Variants in DICER1 observed in about 807,000 individuals in gnomAD.
DICER1 encodes endoribonuclease Dicer.
DICER1 carries 43 observed loss-of-function variants against 194.1 expected under a neutral mutation model. That is an observed-to-expected ratio of 0.22 (90% CI 0.17 to 0.29). DICER1 has a LOEUF of 0.29. DICER1 is among the 10% of genes least tolerant of loss of function. The pLI, the probability that DICER1 is intolerant of heterozygous loss-of-function variation, is 1.00. For missense variants in DICER1, 1,608 were observed against 2,317.0 expected, an observed-to-expected ratio of 0.69 and a Z score of 6.28; for synonymous variants, 832 against 820.5, an observed-to-expected ratio of 1.01 and a Z score of -0.24.
chr14:95,105,546 T>C lies in DICER1; in HGVS notation c.3093+132A>G, dbSNP rs1045630846. ...AATTAAAACAAAACAAAACAAAATTTGAGGATTAGGTAACTTCTAAAAAAT... is the reference window on the plus strand; with the variant it reads ...AATTAAAACAAAACAAAACAAAATTCGAGGATTAGGTAACTTCTAAAAAAT... On this transcript the variant is annotated intron_variant, in intron 19 of 26. Coordinates refer to ENST00000343455, the MANE Select transcript of DICER1 (RefSeq NM_177438.3). This position sits in a 1 kb window ranked among gnomAD's most constrained non-coding sequence, Gnocchi z 4.9. 6 of 779,986 alleles carry C rather than the reference T, an allele frequency of 7.7e-6. No individual in the cohort carries two copies. The highest frequency in any genetic ancestry group is 1.3e-5 in the Non-Finnish European group (6 of 462,564). The allele number at this position is 779,986 out of a possible 1,614,324, so 48.3% of individuals were successfully genotyped here. A position where few individuals can be genotyped will look rare whatever the true frequency, so the allele number is the denominator to read the frequency against.
At chr14:95,120,684 A>G (rs1213879047) in intron 8 of DICER1, among the ~76,000 whole-genome samples, 2 of 152,254 alleles carry the variant, frequency 1.3e-5, no homozygotes, top group African/African-American at 4.8e-5. Flanking sequence ...AATTTGAGCA[A>G]CAAATAAATA....
intron 3 of DICER1, 51 bp from the exon 4 acceptor site, chr14:95,131,690 G>A (rs1168288498): frequency 7.2e-6 from 11 of 1,530,604 alleles, no homozygotes; most frequent in African/African-American, 2.7e-5. Context: ...TTGCCTAGTT[G>A]GCTCTCTGGA....
chr14:95,114,338 T>C (rs1299990964), intron 11 of DICER1, among the ~76,000 whole-genome samples: 1 of 152,088 alleles, frequency 6.6e-6, no homozygotes, highest in South Asian at 2.1e-4. Flanking sequence ...TGGCCAAATA[T>C]GAAACAATTT....
At chr14:95,095,405 GGAGGGGTCTTTTTGT>G (rs1890220178) in intron 23 of DICER1, 1 of 222,772 alleles carries the variant, frequency 4.5e-6, no homozygotes, top group African/African-American at 2.3e-5. Flanking sequence ...AGACCCTAAA[GGAGGGGTCTTTTTGT>G]CCAGGAAGAA....
rs1242901221 is a variant in DICER1 at position 95,089,161 on chromosome 14, C to T, written c.*1337G>A. 1 of 229,604 alleles carries T rather than the reference C, an allele frequency of 4.4e-6. No homozygotes were observed. Among genetic ancestry groups the T allele is most frequent in the Admixed American group, 5.7e-5 (1 of 17,454 alleles). 14.2% of individuals were successfully genotyped at this position (229,604 alleles called of 1,614,324 possible). A position where few individuals can be genotyped will look rare whatever the true frequency, so the allele number is the denominator to read the frequency against. On this transcript the variant is annotated 3_prime_UTR_variant, in exon 27 of 27. Transcript: ENST00000343455. ...GAGGTATTTAAGTGAAGAGTGCCTA[C>T]AAGTCTAATTAAAGAAACTTAGGCA...
chr14:95,112,018 C>T (rs1331554725), intron 13 of DICER1, among the ~76,000 whole-genome samples, 154 bp downstream of exon 13: 11 of 152,186 alleles, frequency 7.2e-5, no homozygotes, highest in Admixed American at 7.2e-4. Context: ...CTTCAAGTTA[C>T]TAACACTTAT....
intron 8 of DICER1, among the ~76,000 whole-genome samples, chr14:95,122,940 G>A (rs1394164288): frequency 1.7e-5 from 2 of 117,260 alleles, no homozygotes; most frequent in African/African-American, 4.2e-5. Flanking sequence ...GTGTACGCGC[G>A]CGCGCGCGCA....
intron 18 of DICER1, 33 bp downstream of exon 18, chr14:95,106,008 T>TGCAATCCAAGTGTCATCTCTGAA: frequency 6.2e-7 from 1 of 1,609,354 alleles, no homozygotes. Context: ...ATCCCTCAAG[T>TGCAATCCAAGTGTCATCTCTGAA]GCAATCCAAG....
intron 1 of DICER1, among the ~76,000 whole-genome samples, chr14:95,155,606 C>A (rs1003662437): frequency 3.9e-5 from 6 of 152,336 alleles, no homozygotes; most frequent in Middle Eastern, 3.4e-3. Context: ...GCAGTCAGGG[C>A]TTACCCTTCA....
At chr14:95,152,922 G>C (rs755719528) in intron 1 of DICER1, among the ~76,000 whole-genome samples, 3 of 152,116 alleles carry the variant, frequency 2.0e-5, no homozygotes, top group Non-Finnish European at 4.4e-5. Flanking sequence ...CGTTCCTAAA[G>C]ACTGGGTGAG....
At chr14:95,155,640 G>T (rs1718347113) in intron 1 of DICER1, among the ~76,000 whole-genome samples, 1 of 152,198 alleles carries the variant, frequency 6.6e-6, no homozygotes, top group African/African-American at 2.4e-5. Flanking sequence ...AGCATAAAAA[G>T]TAAAGCAGGC....
intron 1 of DICER1, among the ~76,000 whole-genome samples, chr14:95,146,762 G>A (rs1330575282): frequency 1.3e-5 from 2 of 152,190 alleles, no homozygotes; most frequent in Non-Finnish European, 2.9e-5. Flanking sequence ...CCCGGACACG[G>A]GGGTCACCAG....
At chr14:95,156,963 G>A (rs1475440234) in intron 1 of DICER1, among the ~76,000 whole-genome samples, 2 of 152,122 alleles carry the variant, frequency 1.3e-5, no homozygotes, top group East Asian at 1.9e-4. Flanking sequence ...ACGGCGGCCC[G>A]GAAAGTCTCC....
intron 1 of DICER1, chr14:95,140,644 G>C (rs190363931): frequency 8.5e-5 from 13 of 152,284 alleles, no homozygotes; most frequent in African/African-American, 2.9e-4. Flanking sequence ...TCCACATGAT[G>C]AATCACAGAT....
intron 11 of DICER1, among the ~76,000 whole-genome samples, chr14:95,113,718 A>G (rs1167853407): frequency 6.6e-6 from 1 of 152,218 alleles, no homozygotes; most frequent in Non-Finnish European, 1.5e-5. Context: ...CAGTAGAACT[A>G]GCAACTCACT....
intron 22 of DICER1, among the ~76,000 whole-genome samples, chr14:95,098,548 T>C (rs1209527554): frequency 1.4e-5 from 2 of 145,320 alleles, no homozygotes; most frequent in East Asian, 4.5e-4. Flanking sequence ...CTTTGTGTTG[T>C]ATCTTAAAAA....
chr14:95,090,992 G>A (rs1595312487), intron 26 of DICER1, 42 bp downstream of exon 26: 1 of 1,545,876 alleles, frequency 6.5e-7, no homozygotes, highest in African/African-American at 1.4e-5. Flanking sequence ...CCCCTTTGAT[G>A]TTTTTAAGTT....
At chr14:95,097,026 T>G (rs1025261113) in intron 22 of DICER1, among the ~76,000 whole-genome samples, 5 of 152,128 alleles carry the variant, frequency 3.3e-5, no homozygotes, top group African/African-American at 1.2e-4. Context: ...ATGCAAAACT[T>G]CAACTAAGTC....
chr14:95,147,344 T>C (rs1446153276), intron 1 of DICER1, among the ~76,000 whole-genome samples: 4 of 152,124 alleles, frequency 2.6e-5, no homozygotes, highest in South Asian at 4.1e-4. Context: ...CATGTGCCTG[T>C]AGTCCCAACT....
Sources: gnomAD v4.1 joint callset for allele counts (sites outside exome capture counted in the v4.1 genomes callset) on GRCh38, gnomAD v4.1.1 for gene constraint, Gnocchi (gnomAD v3.1) non-coding constraint, MANE v1.5 for transcripts, NCBI Gene and HGNC (gene_info 2026-07-23, HGNC 2026-07-21) for gene names.